The following RTEL1 variants were observed in gnomAD, a reference collection of about 807,000 sequenced individuals.
RTEL1 encodes the protein regulator of telomere elongation helicase 1, also known as regulator of telomere length.
Under a neutral mutation model 162.2 loss-of-function variants are expected in RTEL1, and 86 were observed. The ratio of observed to expected loss-of-function variants is 0.53; its 90% CI spans 0.45 to 0.63. RTEL1 has a LOEUF of 0.63. Ranked by LOEUF, RTEL1 falls within the 30% of genes least tolerant of loss-of-function variation. RTEL1 has a pLI of 0.00. For missense variants in RTEL1, 1,941 were observed against 1,750.2 expected, an observed-to-expected ratio of 1.11 and a Z score of -1.95; for synonymous variants, 958 against 717.9, an observed-to-expected ratio of 1.33 and a Z score of -5.35.
chr20:63,666,171 C>G, intron 7 of RTEL1, 92 bp downstream of exon 7: 3 of 1,009,746 alleles, frequency 3.0e-6, no homozygotes, highest in Non-Finnish European at 3.0e-6. Flanking sequence ...CTTCACTTTT[C>G]TTTGTTCCTT....
At position 63,695,169 on chromosome 20, in the gene RTEL1, G is replaced by A; in HGVS notation, c.3447G>A (p.Gln1149=). The part of the protein sequence containing the change: ...PYPGMEPPGP[Q]EERLAVPPVL... The stretch of plus-strand genomic sequence containing the variant: ...CGGGCATGGAGCCACCGGGACCCCA[G>A]GAGGAGAGGCTTGCCGTGCCTCCTG... Residue 1149 remains glutamine (Q), a synonymous_variant, in exon 33 of 35, where the codon CAG becomes CAA. Transcript: ENST00000360203. 6.2e-7 allele frequency: 1 copy of A among 1,612,430 alleles called. No homozygotes were observed. The highest frequency in any genetic ancestry group is 8.5e-7 in the Non-Finnish European group (1 of 1,179,840).
rs1601156233 is a variant in RTEL1 at position 63,685,681 on chromosome 20, G to T, written c.1266+84G>T. ...GGGCCTTACAGTCCTATAAGGTGGG[G>T]GCCACCTCCAGGAGGCAGGTGGGGC... On this transcript the variant is annotated intron_variant, in intron 15 of 34. Transcript: ENST00000360203. 18 of 1,586,168 alleles carry T rather than the reference G, an allele frequency of 1.1e-5. No individual in the cohort carries two copies. The East Asian group carries it at 4.1e-4, about 36-fold the overall frequency.
Position 63,695,976 on chromosome 20 carries a change from C to G in RTEL1, c.*118C>G, listed in dbSNP as rs558853581. 5.1e-5 allele frequency: 52 copies of G among 1,029,154 alleles called. 1 individual carries two copies. The South Asian group carries it at 7.7e-4, about 15-fold the overall frequency. 63.8% of individuals were successfully genotyped at this position (1,029,154 alleles called of 1,614,324 possible). On this transcript the variant is annotated 3_prime_UTR_variant, in exon 35 of 35. Coordinates refer to ENST00000360203, the MANE Select transcript of RTEL1 (RefSeq NM_001283009.2). ...AGCCCATGCCAGCCGGCTTGGCCCGCTGCAGGCCTCAGGCAGGCGGGGCCC... is the reference window on the plus strand; with the variant it reads ...AGCCCATGCCAGCCGGCTTGGCCCGGTGCAGGCCTCAGGCAGGCGGGGCCC...
rs1385101139 is a variant in RTEL1, at chr20:63,695,594, C to T, written c.3766C>T (p.Gln1256Ter). The T allele has an allele frequency of 1.2e-6, 2 of 1,611,884 alleles. No homozygotes were observed. The highest frequency in any genetic ancestry group is 2.2e-5 in the East Asian group (1 of 44,898). The change falls in exon 34 of 35, where the codon CAG (glutamine) becomes TAG (stop). Residue 1256 changes from glutamine (Q) to a stop codon, truncating the protein, a stop_gained. Transcript: ENST00000360203. LOFTEE classifies it high-confidence loss of function. The part of the protein sequence containing the change: ...GCGAEDVVPF[Q>*]CPACDFQRCQ... ...TGGGGCAGAGGACGTGGTGCCCTTC[C>T]AGTGCCCTGCCTGTGACTTCCAGCG...
intron 15 of RTEL1, 32 bp from the exon 16 acceptor site, chr20:63,685,759 G>A: frequency 1.2e-6 from 2 of 1,606,112 alleles, no homozygotes; most frequent in Non-Finnish European, 1.7e-6. Context: ...ACATGGGCGG[G>A]GCCTCCACAC....
chr20:63,689,693 TGAGCCCCCGCCCCGTGGCCAAGG>T, intron 23 of RTEL1, 34 bp from the exon 24 acceptor site: 1 of 1,604,280 alleles, frequency 6.2e-7, no homozygotes, highest in Non-Finnish European at 8.5e-7. Context: ...GTCTGGTGAC[TGAGCCCCCGCCCCGTGGCCAAGG>T]GAGCCCCCGT....
chr20:63,690,850 A>G lies in RTEL1; in HGVS notation c.2459A>G (p.Tyr820Cys). The stretch of plus-strand genomic sequence containing the variant: ...CCCGAGAGTAGCCTGTGTGTGGAGT[A>G]TGAGCAGGAGCCAGTTCCTGCCCGG... ...GDPESSLCVE[Y>C]EQEPVPARQR... The change falls in exon 27 of 35, where the codon TAT becomes TGT. Residue 820 changes from tyrosine to cysteine, a missense_variant. Transcript: ENST00000360203. The G allele has an allele frequency of 6.2e-7, 1 of 1,605,220 alleles. No individual in the cohort carries two copies. The highest frequency in any genetic ancestry group is 8.5e-7 in the Non-Finnish European group (1 of 1,177,624).
chr20:63,693,439 G>A (rs777048404), intron 30 of RTEL1, among the ~76,000 whole-genome samples, 156 bp downstream of exon 30: 2 of 93,248 alleles, frequency 2.1e-5, no homozygotes, highest in Non-Finnish European at 4.7e-5. Context: ...TCCACCACCA[G>A]CACCAGCAGC....
intron 28 of RTEL1, 31 bp downstream of exon 28, chr20:63,691,868 C>A: frequency 6.3e-7 from 1 of 1,576,554 alleles, no homozygotes; most frequent in Non-Finnish European, 8.7e-7. Context: ...CCTGTGCCGA[C>A]CACCATAGAC....
intron 16 of RTEL1, chr20:63,686,179 A>G (rs1395177091): frequency 8.5e-6 from 4 of 469,740 alleles, no homozygotes; most frequent in Non-Finnish European, 1.6e-5. Context: ...GGCCGTCAGC[A>G]CAGAGCCTCC....
rs545712727 is a variant in RTEL1, at chr20:63,688,722, T to C, written c.1800+117T>C. 47 of 858,712 alleles carry C rather than the reference T, an allele frequency of 5.5e-5. No homozygotes were observed. The South Asian group carries it at 6.6e-4, about 12-fold the overall frequency. The allele number at this position is 858,712 out of a possible 1,614,324, so 53.2% of individuals were successfully genotyped here. On this transcript the variant is annotated intron_variant, in intron 21 of 34. Coordinates refer to ENST00000360203, the MANE Select transcript of RTEL1 (RefSeq NM_001283009.2). Reference sequence around the variant, plus strand: ...ATGGGCTCCGGCGGCTCCCGCTGCCTCTTCAGGGCTCCTGCGTTTCCTTCC... The same window carrying C: ...ATGGGCTCCGGCGGCTCCCGCTGCCCCTTCAGGGCTCCTGCGTTTCCTTCC...
intron 14 of RTEL1, chr20:63,681,052 C>G (rs2090468490): frequency 1.0e-6 from 1 of 985,314 alleles, no homozygotes; most frequent in African/African-American, 1.7e-5. Context: ...CCAGCAGCCC[C>G]AGCTGCACGC....
chr20:63,693,241 A>G lies in RTEL1; in HGVS notation c.2950A>G (p.Ile984Val). Reference protein sequence around the residue: ...RGCGYRPEHSIPRRQRAQPVL... With the variant: ...RGCGYRPEHSVPRRQRAQPVL... ...CTGTGGCTATCGGCCTGAGCACAGC[A>G]TTCCCCGAAGGCAGCGGGCACAGCC... Residue 984 changes from isoleucine to valine, a missense_variant, in exon 30 of 35, where the codon ATT becomes GTT. By Grantham distance (29) the Ile-to-Val change is conservative. Transcript: ENST00000360203. 1 of 1,612,018 alleles carries G rather than the reference A, an allele frequency of 6.2e-7. No homozygotes were observed. Among genetic ancestry groups the G allele is most frequent in the Non-Finnish European group, 8.5e-7 (1 of 1,179,464 alleles).
intron 10 of RTEL1, among the ~76,000 whole-genome samples, chr20:63,676,080 C>T (rs1462230375): frequency 1.3e-5 from 2 of 151,838 alleles, no homozygotes; most frequent in African/African-American, 2.4e-5. Flanking sequence ...GTTCCCCCAC[C>T]CCTTTGGAGA....
At chr20:63,682,603 G>A (rs2090501021) in intron 14 of RTEL1, 1 of 985,958 alleles carries the variant, frequency 1.0e-6, no homozygotes, top group Non-Finnish European at 1.2e-6. Context: ...TCGGGTGCCT[G>A]GAGGATGAGG....
At chr20:63,681,631 C>T in intron 14 of RTEL1, 1 of 985,342 alleles carries the variant, frequency 1.0e-6, no homozygotes, top group Non-Finnish European at 1.2e-6. Flanking sequence ...AGCTGCAGAT[C>T]CCGGAACAAG....
chr20:63,665,729 G>A (rs1000822705), intron 6 of RTEL1, among the ~76,000 whole-genome samples: 1 of 152,194 alleles, frequency 6.6e-6, no homozygotes, highest in African/African-American at 2.4e-5. Flanking sequence ...CGGAGAGGAT[G>A]CGTAGAACCC....
Position 63,687,854 on chromosome 20 carries a change from C to CGGG in RTEL1, c.1482-82_1482-80dup, listed in dbSNP as rs143664886. 0.076 allele frequency: 118,709 copies of CGGG among 1,565,366 alleles called. 4,868 individuals are homozygous for CGGG. Among genetic ancestry groups the CGGG allele is most frequent in the Non-Finnish European group, 0.084 (97,297 of 1,153,900 alleles). On this transcript the variant is annotated intron_variant, in intron 17 of 34. Coordinates refer to ENST00000360203, the MANE Select transcript of RTEL1 (RefSeq NM_001283009.2). ...GGAAGTGGTGGGGGTCCCCATGAGC[C>CGGG]GGGTGCTGGGGGTCTCGGGCCTCGA...
upstream of RTEL1, chr20:63,658,262 G>C (rs1181962829): frequency 6.6e-6 from 1 of 152,346 alleles, no homozygotes; most frequent in Non-Finnish European, 1.5e-5. Context: ...CCCTCCGCGG[G>C]GGAACAGTTT....
Sources: allele counts gnomAD v4.1 joint callset (sites outside exome capture counted in the v4.1 genomes callset), GRCh38; gene constraint gnomAD v4.1.1; transcripts MANE v1.5; gene names NCBI Gene and HGNC (gene_info 2026-07-23, HGNC 2026-07-21).